Variants in UBR2 observed in about 807,000 individuals in gnomAD.
UBR2 encodes the protein ubiquitin protein ligase E3 component n-recognin 2.
A neutral mutation model predicts 247.9 loss-of-function variants in UBR2; 92 were observed. The ratio of observed to expected loss-of-function variants is 0.37; its 90% CI spans 0.31 to 0.44. The LOEUF is 0.44. UBR2 is among the 20% of genes least tolerant of loss of function. The pLI, the probability that UBR2 is intolerant of heterozygous loss-of-function variation, is 1.00. For synonymous variants in UBR2, 672 were observed against 693.5 expected (o/e 0.97, Z 0.49); for missense variants, 1,613 against 2,112.6 (o/e 0.76, Z 4.64).
At chr6:42,614,197 AAAAAAAAAC>A (rs1355298882) in intron 8 of UBR2, among the ~76,000 whole-genome samples, 880 of 83,434 alleles carry the variant, frequency 0.011, 48 homozygotes, top group African/African-American at 0.034. Context: ...AAAAAAAAAA[AAAAAAAAAC>A]TATATATATA....
In UBR2 at chr6:42,573,902, G is replaced by C. The variant is rs1014391153; in HGVS notation, c.247G>C (p.Ala83Pro). 15 of 1,613,800 alleles carry C rather than the reference G, an allele frequency of 9.3e-6. No individual in the cohort carries two copies. Among genetic ancestry groups the C allele is most frequent in the Admixed American group, 1.7e-5 (1 of 59,958 alleles). ...MEWYLCGEDP[A>P]FGFPKLEQAN... Reference sequence around the variant, plus strand: ...ATGGTACCTTTGTGGTGAAGATCCTGCATTTGGATTTCCAAAACTTGAGCA... The same window carrying C: ...ATGGTACCTTTGTGGTGAAGATCCTCCATTTGGATTTCCAAAACTTGAGCA... The change falls in exon 2 of 47, where the codon GCA (alanine) becomes CCA (proline). Residue 83 changes from alanine to proline, a missense_variant. Transcript: ENST00000372901.
intron 4 of UBR2, among the ~76,000 whole-genome samples, chr6:42,597,983 G>T (rs907141771): frequency 1.3e-5 from 2 of 151,882 alleles, no homozygotes; most frequent in Non-Finnish European, 2.9e-5. Context: ...TAACATACCT[G>T]TTCCCAGTAA....
At chr6:42,623,556 A>T (rs1562323634) in intron 11 of UBR2, among the ~76,000 whole-genome samples, 1 of 152,050 alleles carries the variant, frequency 6.6e-6, no homozygotes, top group East Asian at 1.9e-4. Flanking sequence ...GGTTCAAGCG[A>T]TTCTTCTGCC....
chr6:42,627,902 A>G (rs1232815611), intron 11 of UBR2, among the ~76,000 whole-genome samples: 3 of 152,224 alleles, frequency 2.0e-5, no homozygotes, highest in Admixed American at 2.0e-4. Context: ...CCAGGAATGA[A>G]TAAGGGCAGT....
At chr6:42,640,487 C>T (rs964955944) in intron 16 of UBR2, among the ~76,000 whole-genome samples, 11 of 151,430 alleles carry the variant, frequency 7.3e-5, no homozygotes, top group East Asian at 1.9e-4. Context: ...AAGGAACTGG[C>T]TCATGAAATT....
At chr6:42,619,426 TATATATATATA>T (rs1562317755) in intron 11 of UBR2, 6 of 14,950 alleles carry the variant, frequency 4.0e-4, no homozygotes, top group African/African-American at 1.3e-3. Flanking sequence ...TATATATATA[TATATATATATA>T]TATATATATA....
rs140096365 is a variant in UBR2 at position 42,603,655 on chromosome 6, G to A, written c.599G>A (p.Arg200Gln). ...TATAACATTTTTGCTATTACGTTTC[G>A]GTATGCAGTAGAAATATTAACCTGG... ...RTYNIFAITF[R>Q]YAVEILTWEK... The change falls in exon 5 of 47, where the codon CGG (arginine) becomes CAG (glutamine). Residue 200 changes from arginine (R) to glutamine (Q), a missense_variant. Around this residue, in one of 3 missense-constraint regions of UBR2, gnomAD observed 1,524 missense variants for 1,967.3 expected, o/e 0.77. Coordinates refer to ENST00000372901, the MANE Select transcript of UBR2 (RefSeq NM_001363705.2). 7.1e-5 allele frequency: 114 copies of A among 1,599,846 alleles called. No homozygotes were observed. Among genetic ancestry groups the A allele is most frequent in the Middle Eastern group, 1.7e-4 (1 of 6,034 alleles).
intron 38 of UBR2, 109 bp downstream of exon 38, chr6:42,674,302 C>T (rs1798598099): frequency 3.0e-6 from 3 of 984,618 alleles, no homozygotes; most frequent in East Asian, 2.6e-5. Context: ...GATTTCCTTA[C>T]CCCTTCTGAG....
chr6:42,665,075 A>G (rs1172540306), intron 32 of UBR2, among the ~76,000 whole-genome samples: 2 of 152,246 alleles, frequency 1.3e-5, no homozygotes, highest in African/African-American at 4.8e-5. Context: ...TAAGATATTT[A>G]CAGTAAAATT....
At chr6:42,622,328 C>T (rs1795040835) in intron 11 of UBR2, among the ~76,000 whole-genome samples, 1 of 150,540 alleles carries the variant, frequency 6.6e-6, no homozygotes, top group African/African-American at 2.4e-5. Context: ...CCCCATTCTT[C>T]TTTTGTTAGA....
chr6:42,605,539 T>C, intron 5 of UBR2, among the ~76,000 whole-genome samples, 182 bp from the exon 6 acceptor site: 1 of 152,202 alleles, frequency 6.6e-6, no homozygotes, highest in East Asian at 1.9e-4. Context: ...GAGTCATATA[T>C]GCAATATATA....
chr6:42,679,577 T>A (rs1798910015), intron 41 of UBR2, 147 bp from the exon 42 acceptor site: 1 of 656,702 alleles, frequency 1.5e-6, no homozygotes, highest in African/African-American at 1.8e-5. Flanking sequence ...TCCTTCCATG[T>A]GCCATTCTGT....
chr6:42,680,465 G>T (rs950384269), intron 42 of UBR2, among the ~76,000 whole-genome samples: 35 of 152,128 alleles, frequency 2.3e-4, no homozygotes, highest in Admixed American at 1.4e-3. Context: ...GTTTTTAAGA[G>T]ATGGGGTTTT....
chr6:42,626,103 C>T (rs998308820), intron 11 of UBR2, among the ~76,000 whole-genome samples: 1 of 152,104 alleles, frequency 6.6e-6, no homozygotes, highest in African/African-American at 2.4e-5. Flanking sequence ...CGTGAGCCAC[C>T]GTGAGCTGCC....
chr6:42,600,625 C>CAGA (rs528274704), intron 4 of UBR2, among the ~76,000 whole-genome samples: 1 of 106,166 alleles, frequency 9.4e-6, no homozygotes, highest in Non-Finnish European at 1.9e-5. Flanking sequence ...GTTACTGTAG[C>CAGA]AAAAAAAAAA....
rs1325305909 is a variant in UBR2, at chr6:42,617,282, G to A, written c.1183-127G>A. 5 of 1,614,076 alleles carry A rather than the reference G, an allele frequency of 3.1e-6. No individual in the cohort carries two copies. The highest frequency in any genetic ancestry group is 2.2e-5 in the East Asian group (1 of 44,882). ...GAGAGATTTTATGGAGGATGATCAC[G>A]AGCGAGCAGTGTCGGTGACTGCTCT... On this transcript the variant is annotated intron_variant, in intron 10 of 46. Coordinates refer to ENST00000372901, the MANE Select transcript of UBR2 (RefSeq NM_001363705.2).
At chr6:42,629,009 G>GT (rs899147235) in intron 11 of UBR2, among the ~76,000 whole-genome samples, 1 of 151,672 alleles carries the variant, frequency 6.6e-6, no homozygotes, top group Non-Finnish European at 1.5e-5. Flanking sequence ...ATAATCAGGG[G>GT]TTTTTTTGTT....
At chr6:42,644,433 A>G (rs998758068) in intron 19 of UBR2, 40 bp from the exon 20 acceptor site, 17 of 1,605,456 alleles carry the variant, frequency 1.1e-5, no homozygotes, top group Non-Finnish European at 1.4e-5. Flanking sequence ...CAATATGCAT[A>G]TTCTTATCTC....
chr6:42,579,582 G>T (rs1199720051), intron 2 of UBR2, among the ~76,000 whole-genome samples: 1 of 152,144 alleles, frequency 6.6e-6, no homozygotes, highest in East Asian at 1.9e-4. Context: ...GAGTACAGTG[G>T]CATGATCATA....
Sources: gnomAD v4.1 joint callset for allele counts (sites outside exome capture counted in the v4.1 genomes callset) on GRCh38, gnomAD v4.1.1 for gene constraint, gnomAD v4.1.1 regional missense constraint, MANE v1.5 for transcripts, NCBI Gene and HGNC (gene_info 2026-07-23, HGNC 2026-07-21) for gene names.